SCIN: variants seen among roughly 807,000 people sequenced by gnomAD.
SCIN encodes adseverin.
Under a neutral mutation model 91.8 loss-of-function variants are expected in SCIN, and 91 were observed. That is an observed-to-expected ratio of 0.99 (90% CI 0.84 to 1.18). SCIN has a LOEUF of 1.18. Among genes scored for constraint, SCIN ranks in the 50% most tolerant of loss-of-function variants. The pLI, the probability that SCIN is intolerant of heterozygous loss-of-function variation, is 0.00. For missense variants in SCIN, 1,087 were observed against 863.9 expected (o/e 1.26, Z -3.24); for synonymous variants, 367 against 312.6 (o/e 1.17, Z -1.84).
intron 3 of SCIN, among the ~76,000 whole-genome samples, chr7:12,596,858 C>T (rs1231005992): frequency 6.6e-6 from 1 of 152,172 alleles, no homozygotes; most frequent in Non-Finnish European, 1.5e-5. Context: ...TTTTCCCTGT[C>T]CCTCTACTGC....
At chr7:12,586,125 TAC>T (rs1404867589) in intron 3 of SCIN, among the ~76,000 whole-genome samples, 1 of 152,184 alleles carries the variant, frequency 6.6e-6, no homozygotes, top group East Asian at 1.9e-4. Flanking sequence ...GCCTACAACT[TAC>T]AGTCACTCAA....
Position 12,642,296 on chromosome 7 carries a change from C to A in SCIN, c.1581+1779C>A, listed in dbSNP as rs534938164. Among the ~76,000 whole-genome samples, 18 of 152,188 alleles carry A rather than the reference C, an allele frequency of 1.2e-4. No individual in the cohort carries two copies. In the South Asian group the frequency reaches 3.7e-3, roughly 32 times the overall value. On this transcript the variant is annotated intron_variant, in intron 11 of 15. Transcript: ENST00000297029. ...TTCTGTCTTTCCCGTGCATTTATTC[C>A]ATTTCTATTTCATCATGATTGCAGG...
chr7:12,590,871 C>T (rs192721726), intron 3 of SCIN, among the ~76,000 whole-genome samples: 7 of 152,044 alleles, frequency 4.6e-5, no homozygotes, highest in East Asian at 1.9e-4. Context: ...AGCGTGGGAA[C>T]GAGGAATGTG....
chr7:12,630,378 C>G (rs894617768), intron 9 of SCIN, among the ~76,000 whole-genome samples: 2 of 152,212 alleles, frequency 1.3e-5, no homozygotes, highest in Admixed American at 1.3e-4. Context: ...TAATGATTGA[C>G]AGGCACTGCT....
intron 13 of SCIN, among the ~76,000 whole-genome samples, chr7:12,647,476 T>A (rs1783989432): frequency 6.6e-6 from 1 of 152,200 alleles, no homozygotes; most frequent in Non-Finnish European, 1.5e-5. Flanking sequence ...TATCTGGTGG[T>A]AGTACTTGCT....
chr7:12,629,347 C>A, intron 9 of SCIN, 125 bp downstream of exon 9: 1 of 860,408 alleles, frequency 1.2e-6, no homozygotes, highest in Non-Finnish European at 1.7e-6. Context: ...GTATAGCATG[C>A]ATATAGTATT....
intron 13 of SCIN, among the ~76,000 whole-genome samples, chr7:12,646,165 C>G (rs1294551189): frequency 1.3e-5 from 2 of 152,180 alleles, no homozygotes; most frequent in Non-Finnish European, 2.9e-5. Context: ...CCAGTCCAGT[C>G]AGAAGTAAAA....
intron 3 of SCIN, among the ~76,000 whole-genome samples, chr7:12,601,248 A>G (rs1782952260): frequency 1.3e-5 from 2 of 152,198 alleles, no homozygotes; most frequent in Admixed American, 6.5e-5. Context: ...TTTGTTCAGA[A>G]TGGTGCTTCC....
intron 3 of SCIN, among the ~76,000 whole-genome samples, chr7:12,584,791 T>G (rs948982938): frequency 2.6e-5 from 4 of 152,230 alleles, no homozygotes; most frequent in African/African-American, 9.6e-5. Context: ...TGAACTATTT[T>G]TAGAAATTAG....
In SCIN at chr7:12,657,279, C is replaced by G. The variant is rs1193154107; in HGVS notation, c.*4564C>G. ...TGTTGCCCAGGCTGGAGTACAGTAG[C>G]GATCTCTGCTCACTGCAATCTCTGC... is the stretch of plus-strand genomic sequence containing the variant. On this transcript the variant is annotated 3_prime_UTR_variant, in exon 16 of 16. Transcript: ENST00000297029. 1 of 130,162 alleles carries G rather than the reference C, an allele frequency of 7.7e-6. No individual in the cohort carries two copies. Among genetic ancestry groups the G allele is most frequent in the Non-Finnish European group, 1.5e-5 (1 of 64,648 alleles). 8.1% of individuals were successfully genotyped at this position (130,162 alleles called of 1,614,324 possible). A position where few individuals can be genotyped will look rare whatever the true frequency, so the allele number is the denominator to read the frequency against.
At chr7:12,620,317 T>C (rs1250403965) in intron 4 of SCIN, among the ~76,000 whole-genome samples, 3 of 152,138 alleles carry the variant, frequency 2.0e-5, no homozygotes, top group Non-Finnish European at 4.4e-5. Context: ...ATCTTATACC[T>C]GAAAGTCTGA....
intron 13 of SCIN, 60 bp downstream of exon 13, chr7:12,644,765 C>G: frequency 6.6e-7 from 1 of 1,520,478 alleles, no homozygotes; most frequent in Non-Finnish European, 8.8e-7. Flanking sequence ...CCTGTAATCC[C>G]AGCACTTTGG....
Position 12,625,109 on chromosome 7 carries a change from C to G in SCIN, c.859C>G (p.His287Asp). The G allele has an allele frequency of 3.1e-6, 5 of 1,608,176 alleles. No individual in the cohort carries two copies. The highest frequency in any genetic ancestry group is 4.2e-6 in the Non-Finnish European group (5 of 1,177,500). Reference protein sequence around the residue: ...LLSEECFILDHGAAKQIFVWK... With the variant: ...LLSEECFILDDGAAKQIFVWK... The stretch of plus-strand genomic sequence containing the variant: ...GTCTGAAGAATGCTTTATTTTGGAC[C>G]ACGGGGCTGCCAAACAAATTTTCGT... Residue 287 changes from histidine to aspartate, a missense_variant, in exon 6 of 16, where the codon CAC becomes GAC. His to Asp is a moderately conservative substitution (Grantham distance 81). Transcript: ENST00000297029.
chr7:12,608,693 G>A (rs1783131556), intron 4 of SCIN, among the ~76,000 whole-genome samples: 1 of 152,028 alleles, frequency 6.6e-6, no homozygotes, highest in Non-Finnish European at 1.5e-5. Flanking sequence ...TGGCCAGGCT[G>A]GTCTCAAACT....
At position 12,660,092 on chromosome 7, in the gene SCIN, A is replaced by G. The variant is rs1279049951; in HGVS notation, c.*7377A>G. On this transcript the variant is annotated 3_prime_UTR_variant, in exon 16 of 16. Coordinates refer to ENST00000297029, the MANE Select transcript of SCIN (RefSeq NM_001112706.3). ...GCCTATCCCAAAACCTATAAGAACT[A>G]ATGATAATCCCACCACCCTTTGCTG... 1 of 152,258 alleles carries G rather than the reference A, an allele frequency of 6.6e-6. No homozygotes were observed. The highest frequency in any genetic ancestry group is 1.9e-4 in the East Asian group (1 of 5,192). 9.4% of individuals were successfully genotyped at this position (152,258 alleles called of 1,614,324 possible).
chr7:12,618,883 C>A (rs1783351239), intron 4 of SCIN, among the ~76,000 whole-genome samples: 1 of 151,962 alleles, frequency 6.6e-6, no homozygotes, highest in Non-Finnish European at 1.5e-5. Context: ...GTCATCTACC[C>A]TAAAATGATT....
chr7:12,571,045 G>C, intron 1 of SCIN, 60 bp downstream of exon 1: 3 of 1,478,878 alleles, frequency 2.0e-6, no homozygotes, highest in Non-Finnish European at 2.7e-6. Context: ...GAGGGCGTAG[G>C]GGTCTGAGAT....
At chr7:12,650,955 T>C (rs984203905) in intron 14 of SCIN, among the ~76,000 whole-genome samples, 4 of 152,120 alleles carry the variant, frequency 2.6e-5, no homozygotes, top group African/African-American at 4.8e-5. Context: ...ATGGGGATAA[T>C]GACTGTGTAA....
In SCIN at chr7:12,631,051, A is replaced by C. The variant is rs184815939; in HGVS notation, c.1319+1829A>C. On this transcript the variant is annotated intron_variant, in intron 9 of 15. Transcript: ENST00000297029. ...TGTGGTACTTACATTAAACGAAAAA[A>C]GACTAAGCAAGTAATGCAAAAGAGT... Among the ~76,000 whole-genome samples the C allele has an allele frequency of 5.9e-5, 9 of 152,356 alleles. No homozygotes were observed. The East Asian group carries it at 1.7e-3, about 29-fold the overall frequency.
Sources: allele counts gnomAD v4.1 joint callset (sites outside exome capture counted in the v4.1 genomes callset), GRCh38; gene constraint gnomAD v4.1.1; transcripts MANE v1.5; gene names NCBI Gene and HGNC (gene_info 2026-07-23, HGNC 2026-07-21).